The following ANKRD30A variants were observed in gnomAD, a reference collection of about 807,000 sequenced individuals.
ANKRD30A encodes ankyrin repeat domain-containing protein 30A.
In ANKRD30A, 170 loss-of-function variants were observed where a neutral mutation model predicts 166.3. The ratio of observed to expected loss-of-function variants is 1.02; its 90% CI spans 0.90 to 1.16. The LOEUF (loss-of-function observed/expected upper bound fraction) is 1.16, where lower values mean the gene tolerates loss of function less well. Among genes scored for constraint, ANKRD30A ranks in the 50% most tolerant of loss-of-function variants. The pLI is 0.00. For synonymous variants in ANKRD30A, 564 were observed against 508.9 expected (o/e 1.11, Z -1.46); for missense variants, 1,630 against 1,518.0 (o/e 1.07, Z -1.23).
At chr10:37,234,793 G>A (rs1165015650), downstream of ANKRD30A, among the ~76,000 whole-genome samples, 2 of 152,090 alleles carry the variant, frequency 1.3e-5, no homozygotes, top group South Asian at 4.1e-4. Context: ...TCTAAATGTA[G>A]TTATATAGAT....
chr10:37,264,239 TGA>T, the ANKRD30A span, among the ~76,000 whole-genome samples: 1 of 152,176 alleles, frequency 6.6e-6, no homozygotes, highest in Non-Finnish European at 1.5e-5. Flanking sequence ...TGCCATGAAC[TGA>T]GAGGGGCCTG....
At chr10:37,157,942 G>A (rs1208848680) in intron 13 of ANKRD30A, among the ~76,000 whole-genome samples, 1 of 151,760 alleles carries the variant, frequency 6.6e-6, no homozygotes, top group Non-Finnish European at 1.5e-5. Flanking sequence ...GAACATAATA[G>A]CTACATGTAT....
chr10:37,167,110 G>A (rs1374610956), intron 19 of ANKRD30A, among the ~76,000 whole-genome samples: 1 of 151,824 alleles, frequency 6.6e-6, no homozygotes, highest in Non-Finnish European at 1.5e-5. Flanking sequence ...CCAGCTAGAT[G>A]ATTTTGGATT....
At chr10:37,165,228 T>C in intron 18 of ANKRD30A, 73 bp downstream of exon 18, 2 of 1,409,504 alleles carry the variant, frequency 1.4e-6, no homozygotes, top group Non-Finnish European at 2.0e-6. Context: ...ATGCTTAGTC[T>C]TTATTTTCTC....
At chr10:37,247,708 A>C in the ANKRD30A span, among the ~76,000 whole-genome samples, 1 of 76,808 alleles carries the variant, frequency 1.3e-5, no homozygotes, top group Non-Finnish European at 2.6e-5. Flanking sequence ...CGTCTCTACT[A>C]AAAATACAAA....
chr10:37,244,456 C>T, the ANKRD30A span, among the ~76,000 whole-genome samples: 1 of 152,180 alleles, frequency 6.6e-6, no homozygotes, highest in African/African-American at 2.4e-5. Context: ...AGACAGAGAC[C>T]TCAGATGAGA....
chr10:37,135,207 A>T (rs763210113), intron 5 of ANKRD30A: 1 of 152,176 alleles, frequency 6.6e-6, no homozygotes, highest in Non-Finnish European at 1.5e-5. Flanking sequence ...TCCATCATTG[A>T]TCAGTCTTCA....
intron 27 of ANKRD30A, among the ~76,000 whole-genome samples, chr10:37,196,706 A>G (rs528970000): frequency 2.0e-5 from 3 of 152,292 alleles, no homozygotes; most frequent in South Asian, 2.1e-4. Flanking sequence ...TGAGTGGATC[A>G]AGAAGCATTC....
At chr10:37,139,712 C>A (rs979953082) in intron 6 of ANKRD30A, among the ~76,000 whole-genome samples, 10 of 152,152 alleles carry the variant, frequency 6.6e-5, no homozygotes, top group African/African-American at 2.4e-4. Context: ...TATGAAGAAA[C>A]ATGGTTTTAT....
At chr10:37,225,910 T>A (rs1051894432) in intron 34 of ANKRD30A, among the ~76,000 whole-genome samples, 1 of 151,682 alleles carries the variant, frequency 6.6e-6, no homozygotes, top group Non-Finnish European at 1.5e-5. Flanking sequence ...CTAGAATATT[T>A]TTATCAGTCT....
chr10:37,157,017 A>G (rs1246145930), intron 13 of ANKRD30A, among the ~76,000 whole-genome samples: 1 of 152,200 alleles, frequency 6.6e-6, no homozygotes, highest in Non-Finnish European at 1.5e-5. Context: ...AACAACATAT[A>G]TAGTTGATAT....
At chr10:37,235,958 C>T (rs754665769), downstream of ANKRD30A, among the ~76,000 whole-genome samples, 15 of 151,814 alleles carry the variant, frequency 9.9e-5, no homozygotes, top group African/African-American at 2.7e-4. Flanking sequence ...ATAGTAGAGA[C>T]GGGGTTTCAC....
chr10:37,133,806 C>G (rs1836514850), intron 4 of ANKRD30A, 110 bp from the exon 5 acceptor site: 1 of 1,320,046 alleles, frequency 7.6e-7, no homozygotes, highest in South Asian at 1.4e-5. Flanking sequence ...CACTTGAGCA[C>G]TCAAGATACT....
chr10:37,225,684 A>G (rs79736620), intron 34 of ANKRD30A, among the ~76,000 whole-genome samples: 3,029 of 151,826 alleles, frequency 0.02, 89 homozygotes, highest in African/African-American at 0.068. Context: ...TTCTTTTTCT[A>G]TAAGGCGGGC....
chr10:37,196,285 C>A (rs1338717683), intron 27 of ANKRD30A, among the ~76,000 whole-genome samples: 1 of 151,678 alleles, frequency 6.6e-6, no homozygotes, highest in East Asian at 1.9e-4. Flanking sequence ...AAGCAGGAGT[C>A]CTACTAGAAT....
At chr10:37,197,562 T>C in intron 29 of ANKRD30A, 82 bp downstream of exon 29, 1 of 1,593,362 alleles carries the variant, frequency 6.3e-7, no homozygotes. Flanking sequence ...CAATGCTTTA[T>C]TTTTTTCAAC....
chr10:37,218,984 C>T lies in ANKRD30A; in HGVS notation c.3272C>T (p.Ser1091Phe), dbSNP rs765402044. The change falls in exon 34 of 36, where the codon TCT becomes TTT. Residue 1091 changes from serine to phenylalanine, a missense_variant. Coordinates refer to ENST00000361713, the MANE Select transcript of ANKRD30A (RefSeq NM_052997.3). ...AGTTTATTTTGTTTTATTTAGGTTT[C>T]TCACACTCATGAAAATGAAAATTAT... ...KSVESNLNQV[S>F]HTHENENYLL... The T allele has an allele frequency of 1.2e-4, 195 of 1,575,516 alleles. No homozygotes were observed. The highest frequency in any genetic ancestry group is 1.6e-4 in the Non-Finnish European group (190 of 1,163,460).
chr10:37,246,893 T>C, the ANKRD30A span, among the ~76,000 whole-genome samples: 3 of 152,140 alleles, frequency 2.0e-5, no homozygotes, highest in African/African-American at 7.2e-5. Flanking sequence ...TCAGTGATAA[T>C]AAAAAATGTC....
At position 37,201,333 on chromosome 10, in the gene ANKRD30A, C is replaced by A; in HGVS notation, c.2869+8C>A. On this transcript the variant is annotated splice_region_variant and intron_variant, in intron 31 of 35. Coordinates refer to ENST00000361713, the MANE Select transcript of ANKRD30A (RefSeq NM_052997.3). The stretch of plus-strand genomic sequence containing the variant: ...TAAGTGGAAAATTAGAAGGTAAGAA[C>A]CATCTTTTATTTAAAAGGTCATTTG... The A allele has an allele frequency of 6.4e-7, 1 of 1,555,546 alleles. No homozygotes were observed. The highest frequency in any genetic ancestry group is 8.7e-7 in the Non-Finnish European group (1 of 1,148,848).
Sources: allele counts gnomAD v4.1 joint callset (sites outside exome capture counted in the v4.1 genomes callset), GRCh38; gene constraint gnomAD v4.1.1; transcripts MANE v1.5; gene names NCBI Gene and HGNC (gene_info 2026-07-23, HGNC 2026-07-21).